PRKN: variants seen among roughly 807,000 people sequenced by gnomAD.
The protein encoded by PRKN is parkin RBR E3 ubiquitin protein ligase.
A neutral mutation model predicts 59.5 loss-of-function variants in PRKN; 56 were observed. The ratio of observed to expected loss-of-function variants is 0.94; its 90% CI spans 0.76 to 1.18. PRKN has a LOEUF of 1.18. Among genes scored for constraint, PRKN ranks in the 50% most tolerant of loss-of-function variants. The probability of loss-of-function intolerance (pLI) is 0.00; values close to 1 mark genes in which losing one functional copy is unlikely to be tolerated. For synonymous variants in PRKN, 250 were observed against 222.1 expected, an observed-to-expected ratio of 1.13 and a Z score of -1.12; for missense variants, 657 against 596.4, an observed-to-expected ratio of 1.10 and a Z score of -1.06.
At chr6:161,638,198 T>C (rs1011569559) in intron 7 of PRKN, among the ~76,000 whole-genome samples, 7 of 152,096 alleles carry the variant, frequency 4.6e-5, no homozygotes, top group Non-Finnish European at 8.8e-5. Flanking sequence ...AGTGGCACGA[T>C]CTCAGCTCAC....
intron 1 of PRKN, among the ~76,000 whole-genome samples, chr6:162,704,484 G>A (rs1247502473): frequency 6.6e-6 from 1 of 152,146 alleles, no homozygotes; most frequent in Admixed American, 6.5e-5. Flanking sequence ...GCCTCAGTCT[G>A]TTCTATTAGG....
chr6:162,479,662 C>T (rs1395035081), intron 1 of PRKN, among the ~76,000 whole-genome samples: 1 of 152,112 alleles, frequency 6.6e-6, no homozygotes, highest in East Asian at 1.9e-4. Context: ...TCTTCAGGGA[C>T]AATAACAAAC....
chr6:162,721,440 G>A (rs936758219), intron 1 of PRKN, among the ~76,000 whole-genome samples: 5 of 151,874 alleles, frequency 3.3e-5, no homozygotes, highest in South Asian at 2.1e-4. Context: ...CCTCCCTATC[G>A]CCAACTTTAA....
In PRKN at chr6:162,178,842, T is replaced by A. The variant is rs575402318; in HGVS notation, c.534+22289A>T. On this transcript the variant is annotated intron_variant, in intron 4 of 11. Transcript: ENST00000366898. ...TAGGTGTCTGATTTACTGAATTGCA[T>A]CATCTCTTCCTCATCAGTGTTTTCG... Among the ~76,000 whole-genome samples, 18 of 152,242 alleles carry A rather than the reference T, an allele frequency of 1.2e-4. No individual in the cohort carries two copies. In the South Asian group the frequency reaches 1.2e-3, roughly 11 times the overall value.
chr6:161,834,778 G>C (rs566202318), intron 6 of PRKN, among the ~76,000 whole-genome samples: 3 of 152,200 alleles, frequency 2.0e-5, no homozygotes, highest in African/African-American at 7.2e-5. Flanking sequence ...TGGCTCTCAG[G>C]GTGGCTGCGA....
chr6:161,766,313 C>G, intron 7 of PRKN, among the ~76,000 whole-genome samples: 1 of 82,582 alleles, frequency 1.2e-5, no homozygotes, highest in Non-Finnish European at 2.7e-5. Flanking sequence ...TCATTGACCA[C>G]ATTTTTTTTT....
intron 5 of PRKN, among the ~76,000 whole-genome samples, chr6:162,040,202 C>A (rs1408981597): frequency 6.6e-6 from 1 of 152,142 alleles, no homozygotes; most frequent in Non-Finnish European, 1.5e-5. Context: ...CTGGTCTCTC[C>A]AGCACAGAAG....
chr6:161,902,801 C>T (rs2128235418), intron 6 of PRKN, among the ~76,000 whole-genome samples: 1 of 152,198 alleles, frequency 6.6e-6, no homozygotes. Context: ...AAGTGATCTG[C>T]CCACCTCGGC....
At chr6:162,278,271 T>C (rs1253651727) in intron 2 of PRKN, among the ~76,000 whole-genome samples, 5 of 152,160 alleles carry the variant, frequency 3.3e-5, no homozygotes, top group African/African-American at 9.7e-5. Context: ...TATCAGTAGT[T>C]GCCAGGGACT....
rs562057003 is a variant in PRKN at position 161,660,724 on chromosome 6, T to G, written c.872-91308A>C. On this transcript the variant is annotated intron_variant, in intron 7 of 11. Transcript: ENST00000366898. ...GGACTCTGTTGCTGCAGGCTCAGGT[T>G]TAGACCCTGCCTTTGCTCTGCGCAC... Among the ~76,000 whole-genome samples the G allele has an allele frequency of 9.2e-5, 14 of 152,298 alleles. No individual in the cohort carries two copies. In the East Asian group the frequency reaches 2.5e-3, roughly 27 times the overall value.
chr6:162,123,007 T>TAAA (rs34578897), intron 4 of PRKN, among the ~76,000 whole-genome samples: 18 of 136,960 alleles, frequency 1.3e-4, no homozygotes, highest in African/African-American at 4.9e-4. Flanking sequence ...CAAAAATAGT[T>TAAA]AAAAAAAAAA....
intron 1 of PRKN, among the ~76,000 whole-genome samples, chr6:162,635,477 A>C (rs933836387): frequency 1.3e-5 from 2 of 152,198 alleles, no homozygotes; most frequent in African/African-American, 4.8e-5. Flanking sequence ...TTTATATGAG[A>C]CTGTTAGTGT....
chr6:161,567,933 T>G (rs1562530557), intron 8 of PRKN, among the ~76,000 whole-genome samples: 1 of 152,226 alleles, frequency 6.6e-6, no homozygotes, highest in Non-Finnish European at 1.5e-5. Context: ...CCAGGTGTCT[T>G]CACAAGGAGT....
At chr6:162,161,287 G>A (rs908030525) in intron 4 of PRKN, among the ~76,000 whole-genome samples, 6 of 152,150 alleles carry the variant, frequency 3.9e-5, no homozygotes, top group African/African-American at 1.4e-4. Flanking sequence ...TGGAGCAGGA[G>A]ATGTGGTGTC....
Position 162,505,792 on chromosome 6 carries a change from TGTGA to T in PRKN, c.8-62323_8-62320del, listed in dbSNP as rs1351719783. ...ATGATATGAAGCAGATCTGGAAAAC[TGTGA>T]GTATTTGTCACATCAGCGTGATAAG... On this transcript the variant is annotated intron_variant, in intron 1 of 11. Coordinates refer to ENST00000366898, the MANE Select transcript of PRKN (RefSeq NM_004562.3). 1.2e-4 allele frequency among the ~76,000 whole-genome samples: 16 copies of T among 137,048 alleles called. No individual in the cohort carries two copies. In the East Asian group the frequency reaches 1.9e-3, roughly 17 times the overall value. 89.9% of individuals were successfully genotyped at this position (137,048 alleles called of 152,430 possible). A position where few individuals can be genotyped will look rare whatever the true frequency, so the allele number is the denominator to read the frequency against.
chr6:162,288,318 T>C (rs1781283729), intron 2 of PRKN, among the ~76,000 whole-genome samples: 1 of 152,134 alleles, frequency 6.6e-6, no homozygotes, highest in Non-Finnish European at 1.5e-5. Context: ...CCCTGATCTG[T>C]GTATCTGCCT....
chr6:162,456,505 C>T (rs1369580187), intron 1 of PRKN, among the ~76,000 whole-genome samples: 1 of 150,254 alleles, frequency 6.7e-6, no homozygotes, highest in Non-Finnish European at 1.5e-5. Flanking sequence ...AACTTTAATT[C>T]TTATACATGT....
chr6:161,514,181 TAGAG>T (rs1415244856), intron 9 of PRKN, among the ~76,000 whole-genome samples: 7 of 149,678 alleles, frequency 4.7e-5, no homozygotes, highest in African/African-American at 1.7e-4. Context: ...GAAAAAGGAG[TAGAG>T]AGAGTGGAAA....
In PRKN at chr6:161,444,302, G is replaced by T. The variant is rs898208537; in HGVS notation, c.1084-57425C>A. Among the ~76,000 whole-genome samples the T allele has an allele frequency of 1.3e-5, 2 of 152,200 alleles. No individual in the cohort carries two copies. The highest frequency in any genetic ancestry group is 6.5e-5 in the Admixed American group (1 of 15,274). On this transcript the variant is annotated intron_variant, in intron 9 of 11. Transcript: ENST00000366898. The surrounding 1 kb of genome is among the most constrained non-coding windows in gnomAD (Gnocchi z 5.6). ...TGTCTTTCCTATTTAGCAAACGATT[G>T]AGATTCTCTTCCTTAAAGACACATT...
Sources: allele counts gnomAD v4.1 joint callset (sites outside exome capture counted in the v4.1 genomes callset), GRCh38; gene constraint gnomAD v4.1.1; non-coding constraint Gnocchi (gnomAD v3.1); transcripts MANE v1.5; gene names NCBI Gene and HGNC (gene_info 2026-07-23, HGNC 2026-07-21).